Variants in SLC27A6 observed in about 807,000 individuals in gnomAD.
The protein encoded by SLC27A6 is solute carrier family 27 member 6.
In SLC27A6, 74 loss-of-function variants were observed where a neutral mutation model predicts 63.9. The observed-to-expected ratio is 1.16, with a 90% CI of 0.96 to 1.40. The LOEUF is 1.40. Ranked by LOEUF, SLC27A6 falls within the 40% of genes most tolerant of loss-of-function variation. The pLI, the probability that SLC27A6 is intolerant of heterozygous loss-of-function variation, is 0.00. For missense variants in SLC27A6, 794 were observed against 732.9 expected (o/e 1.08, Z -0.96); for synonymous variants, 287 against 260.8 (o/e 1.10, Z -0.97).
chr5:128,972,188 C>T (rs1353392313), intron 1 of SLC27A6, among the ~76,000 whole-genome samples: 1 of 152,114 alleles, frequency 6.6e-6, no homozygotes, highest in East Asian at 1.9e-4. Context: ...CTCTGGCTGC[C>T]CTTAACATTT....
At chr5:128,991,706 T>C (rs1750989742) in intron 4 of SLC27A6, among the ~76,000 whole-genome samples, 1 of 151,994 alleles carries the variant, frequency 6.6e-6, no homozygotes, top group African/African-American at 2.4e-5. Context: ...GATATCTTTT[T>C]GTTTTACTTT....
intron 4 of SLC27A6, among the ~76,000 whole-genome samples, chr5:128,995,065 TA>T (rs1368864092): frequency 2.6e-5 from 4 of 152,242 alleles, no homozygotes; most frequent in Admixed American, 2.0e-4. Flanking sequence ...CCCTCACTTT[TA>T]ATCTTCCAAG....
At chr5:129,003,984 A>G (rs1269537489) in intron 4 of SLC27A6, among the ~76,000 whole-genome samples, 1 of 151,682 alleles carries the variant, frequency 6.6e-6, no homozygotes, top group Non-Finnish European at 1.5e-5. Flanking sequence ...AAAAAAAAAA[A>G]AAAAGAACCT....
chr5:128,990,963 C>T (rs940692331), intron 4 of SLC27A6, among the ~76,000 whole-genome samples: 15 of 152,120 alleles, frequency 9.9e-5, no homozygotes, highest in African/African-American at 3.4e-4. Context: ...CAGTGGTGGA[C>T]GGTGAGCAAA....
At position 128,991,790 on chromosome 5, in the gene SLC27A6, G is replaced by A. The variant is rs572564814; in HGVS notation, c.969+1326G>A. Among the ~76,000 whole-genome samples the A allele has an allele frequency of 7.3e-5, 11 of 150,756 alleles. No individual in the cohort carries two copies. In the East Asian group the frequency reaches 2.1e-3, roughly 29 times the overall value. On this transcript the variant is annotated intron_variant, in intron 4 of 9. Transcript: ENST00000262462. The stretch of plus-strand genomic sequence containing the variant: ...AACTGAAGAAGTCATTTCCACATTC[G>A]TTTGATCAACTGCCACCATCTGAAA...
chr5:129,020,361 C>A lies in SLC27A6; in HGVS notation c.1165-3259C>A, dbSNP rs189646613. On this transcript the variant is annotated intron_variant, in intron 5 of 9. Coordinates refer to ENST00000262462, the MANE Select transcript of SLC27A6 (RefSeq NM_001017372.3). Reference sequence around the variant, plus strand: ...CCATAACTTAGAAATGAAAGAATCACCTTCAGTTAAAATGCCTGATGGTGA... The same window carrying A: ...CCATAACTTAGAAATGAAAGAATCAACTTCAGTTAAAATGCCTGATGGTGA... Among the ~76,000 whole-genome samples, 14 of 152,156 alleles carry A rather than the reference C, an allele frequency of 9.2e-5. No homozygotes were observed. In the East Asian group the frequency reaches 1.5e-3, roughly 17 times the overall value.
At chr5:128,966,657 G>A (rs1749915110) in intron 1 of SLC27A6, 39 bp downstream of exon 1, 3 of 1,429,876 alleles carry the variant, frequency 2.1e-6, no homozygotes, top group Non-Finnish European at 2.7e-6. Context: ...CAGAATGGCA[G>A]CCCACCTGCT....
Position 128,990,856 on chromosome 5 carries a change from C to A in SLC27A6, c.969+392C>A, listed in dbSNP as rs184559476. Among the ~76,000 whole-genome samples, 28 of 152,310 alleles carry A rather than the reference C, an allele frequency of 1.8e-4. 1 individual carries two copies. Among genetic ancestry groups the A allele is most frequent in the South Asian group, 8.3e-4 (4 of 4,830 alleles). On this transcript the variant is annotated intron_variant, in intron 4 of 9. Transcript: ENST00000262462. ...GGCGAGCCTCTAGCCCGATTGGGAG[C>A]GGCAATGGGCACCTTGCTGGATCAG...
At chr5:129,023,794 T>C (rs1561632542) in intron 6 of SLC27A6, 84 bp downstream of exon 6, 6 of 971,400 alleles carry the variant, frequency 6.2e-6, no homozygotes, top group Non-Finnish European at 4.8e-6. Flanking sequence ...CTTGGGGGAT[T>C]GGTTCCAGGA....
chr5:128,985,149 A>G lies in SLC27A6; in HGVS notation c.498A>G (p.Val166=), dbSNP rs781250952. Reference sequence around the variant, plus strand: ...GGCTTTTAGATTTGCTTGGAACGGTAGAAGAAATCCTTCCAAGCCTCTCAG... The same window carrying G: ...GGCTTTTAGATTTGCTTGGAACGGTGGAAGAAATCCTTCCAAGCCTCTCAG... The part of the protein sequence containing the change: ...LVVGADLLGT[V]EEILPSLSEN... The change falls in exon 2 of 10, where the codon GTA becomes GTG. Residue 166 remains valine, a synonymous_variant. Transcript: ENST00000262462. 4.2e-5 allele frequency: 67 copies of G among 1,613,262 alleles called. 1 individual carries two copies. In the South Asian group the frequency reaches 7.2e-4, roughly 17 times the overall value.
intron 1 of SLC27A6, among the ~76,000 whole-genome samples, chr5:128,972,894 T>C (rs1294732984): frequency 2.6e-5 from 4 of 152,210 alleles, no homozygotes; most frequent in Admixed American, 6.5e-5. Context: ...GTTTCCTATC[T>C]TTGTGGTTTT....
At chr5:129,008,028 G>A (rs1356959119) in intron 4 of SLC27A6, among the ~76,000 whole-genome samples, 2 of 151,810 alleles carry the variant, frequency 1.3e-5, no homozygotes, top group Admixed American at 1.3e-4. Flanking sequence ...ATATAGATAT[G>A]TTACATAATA....
At position 129,033,165 on chromosome 5, in the gene SLC27A6, A is replaced by T. The variant is rs1242968528; in HGVS notation, c.1743A>T (p.Gly581=). The stretch of plus-strand genomic sequence containing the variant: ...TGAAGCATCAGTTGGTGGAAGATGG[A>T]TTTAATCCACTGAAAATTTCTGAAC... ...KLLKHQLVED[G]FNPLKISEPL... The change falls in exon 10 of 10, where the codon GGA becomes GGT. Residue 581 remains glycine (G), a synonymous_variant. Coordinates refer to ENST00000262462, the MANE Select transcript of SLC27A6 (RefSeq NM_001017372.3). 1 of 1,609,678 alleles carries T rather than the reference A, an allele frequency of 6.2e-7. No individual in the cohort carries two copies. The highest frequency in any genetic ancestry group is 1.1e-5 in the South Asian group (1 of 90,708).
In SLC27A6 at chr5:129,033,333, G is replaced by T; in HGVS notation, c.*51G>T. The T allele has an allele frequency of 8.8e-7, 1 of 1,136,850 alleles. No homozygotes were observed. The highest frequency in any genetic ancestry group is 1.2e-6 in the Non-Finnish European group (1 of 804,006). The allele number at this position is 1,136,850 out of a possible 1,614,324, so 70.4% of individuals were successfully genotyped here. A position where few individuals can be genotyped will look rare whatever the true frequency, so the allele number is the denominator to read the frequency against. On this transcript the variant is annotated 3_prime_UTR_variant, in exon 10 of 10. Coordinates refer to ENST00000262462, the MANE Select transcript of SLC27A6 (RefSeq NM_001017372.3). ...TGCTTTCTTAGGAAGAGTGAGAGGG[G>T]GGTATATGATTCTTTATGAAATGGG...
chr5:129,011,481 G>A (rs571816944), intron 4 of SLC27A6, among the ~76,000 whole-genome samples: 15 of 152,322 alleles, frequency 9.8e-5, no homozygotes, highest in African/African-American at 3.4e-4. Context: ...CACTTTGTCA[G>A]TCATTCAAGC....
intron 5 of SLC27A6, among the ~76,000 whole-genome samples, chr5:129,023,083 G>C (rs1752129359): frequency 6.6e-6 from 1 of 151,918 alleles, no homozygotes; most frequent in African/African-American, 2.4e-5. Context: ...TACAGTGAAA[G>C]GCTCAGGGGA....
chr5:128,974,310 C>G (rs773100915), intron 1 of SLC27A6, among the ~76,000 whole-genome samples: 3 of 152,122 alleles, frequency 2.0e-5, no homozygotes, highest in Non-Finnish European at 2.9e-5. Flanking sequence ...TTTAAAAAAG[C>G]CACTTTGGGA....
chr5:129,012,993 C>T (rs1424733355), intron 4 of SLC27A6, among the ~76,000 whole-genome samples: 1 of 151,094 alleles, frequency 6.6e-6, no homozygotes, highest in African/African-American at 2.4e-5. Flanking sequence ...TTCTTGTTGT[C>T]TCATCTGTTA....
At chr5:129,001,251 C>T (rs145533454) in intron 4 of SLC27A6, among the ~76,000 whole-genome samples, 83 of 152,292 alleles carry the variant, frequency 5.5e-4, no homozygotes, top group African/African-American at 1.9e-3. Flanking sequence ...CCACTCCTTT[C>T]CTGCTTCAGT....
Sources: gnomAD v4.1 joint callset for allele counts (sites outside exome capture counted in the v4.1 genomes callset) on GRCh38, gnomAD v4.1.1 for gene constraint, MANE v1.5 for transcripts, NCBI Gene and HGNC (gene_info 2026-07-23, HGNC 2026-07-21) for gene names.